Variants in LAYN observed in about 807,000 individuals in gnomAD.
LAYN encodes layilin.
A neutral mutation model predicts 43.6 loss-of-function variants in LAYN; 38 were observed. The observed-to-expected ratio is 0.87, with a 90% CI of 0.67 to 1.14. LAYN has a LOEUF of 1.14. LAYN is among the 50% of genes most tolerant of loss of function. The pLI, the probability that LAYN is intolerant of heterozygous loss-of-function variation, is 0.00. For missense variants in LAYN, 479 were observed against 463.8 expected, an observed-to-expected ratio of 1.03 and a Z score of -0.30; for synonymous variants, 168 against 172.9, an observed-to-expected ratio of 0.97 and a Z score of 0.22.
At chr11:111,546,471 A>C (rs1382057991) in intron 2 of LAYN, among the ~76,000 whole-genome samples, 1 of 152,250 alleles carries the variant, frequency 6.6e-6, no homozygotes. Flanking sequence ...GTGAAACTGC[A>C]GTGCAGCTGC....
chr11:111,548,305 A>G (rs911038163), intron 2 of LAYN, among the ~76,000 whole-genome samples: 1 of 152,236 alleles, frequency 6.6e-6, no homozygotes, highest in African/African-American at 2.4e-5. Context: ...TGGTGTTGCA[A>G]GGTCCTTCTT....
rs181406783 is a variant in LAYN at position 111,560,606 on chromosome 11, T to A, written c.*148T>A. On this transcript the variant is annotated 3_prime_UTR_variant, in exon 7 of 7. Transcript: ENST00000375614. ...GCATGTGGTCCCCACGACCTCCTGT[T>A]GGACCCCCACGTTTTGGCTGTATCC... 739 of 865,892 alleles carry A rather than the reference T, an allele frequency of 8.5e-4. 1 individual carries two copies. The highest frequency in any genetic ancestry group is 1.1e-3 in the Admixed American group (39 of 34,188). 53.6% of individuals were successfully genotyped at this position (865,892 alleles called of 1,614,324 possible). A position where few individuals can be genotyped will look rare whatever the true frequency, so the allele number is the denominator to read the frequency against.
intron 3 of LAYN, among the ~76,000 whole-genome samples, chr11:111,553,587 C>T (rs1867779735): frequency 6.6e-6 from 1 of 150,976 alleles, no homozygotes; most frequent in African/African-American, 2.4e-5. Flanking sequence ...CCTCTGAACT[C>T]CAGCCTGGGT....
chr11:111,556,519 C>T (rs576498458), intron 5 of LAYN, among the ~76,000 whole-genome samples: 29 of 152,298 alleles, frequency 1.9e-4, no homozygotes, highest in Non-Finnish European at 3.4e-4. Context: ...TCATGAATAA[C>T]AAATTCACTC....
At chr11:111,558,898 G>A (rs1257180295) in intron 6 of LAYN, among the ~76,000 whole-genome samples, 2 of 151,246 alleles carry the variant, frequency 1.3e-5, no homozygotes, top group Non-Finnish European at 2.9e-5. Context: ...AGTGATTCTC[G>A]TGCCTCAGCC....
At chr11:111,558,592 G>A (rs574359811) in intron 6 of LAYN, among the ~76,000 whole-genome samples, 1 of 152,006 alleles carries the variant, frequency 6.6e-6, no homozygotes, top group South Asian at 2.1e-4. Flanking sequence ...TGCCTACTCA[G>A]TTGGTTCTTG....
rs774901595 is a variant in LAYN at position 111,560,109 on chromosome 11, C to G, written c.776C>G (p.Pro259Arg). Residue 259 changes from proline to arginine, a missense_variant, in exon 7 of 7, where the codon CCA (proline) becomes CGA (arginine). Transcript: ENST00000375614. ...TTTCTTCCTAGAAAACGGGAGCAGC[C>G]AGACCCTAGCACAAAGAAGCAACAC... ...WICRKRKREQ[P>R]DPSTKKQHTI... The G allele has an allele frequency of 6.2e-7, 1 of 1,608,538 alleles. No individual in the cohort carries two copies. The highest frequency in any genetic ancestry group is 1.1e-5 in the South Asian group (1 of 90,520).
intron 2 of LAYN, among the ~76,000 whole-genome samples, chr11:111,546,675 A>T (rs916617689): frequency 6.6e-6 from 1 of 152,230 alleles, no homozygotes; most frequent in Non-Finnish European, 1.5e-5. Context: ...TTGGTCCTGG[A>T]TGTACCTCTT....
At position 111,540,902 on chromosome 11, in the gene LAYN, G is replaced by A. The variant is rs747772910; in HGVS notation, c.59G>A (p.Arg20Gln). The change falls in exon 1 of 7, where the codon CGG becomes CAG. Residue 20 changes from arginine (R) to glutamine (Q), a missense_variant. Coordinates refer to ENST00000375614, the MANE Select transcript of LAYN (RefSeq NM_178834.5). Reference protein sequence around the residue: ...VLLAVLLVGLRAATGRLLSGQ... With the variant: ...VLLAVLLVGLQAATGRLLSGQ... Reference sequence around the variant, plus strand: ...CTGGCCGTGCTGCTGGTGGGGCTGCGGGCCGCGACGGGTCGCCTGCTGAGT... The same window carrying A: ...CTGGCCGTGCTGCTGGTGGGGCTGCAGGCCGCGACGGGTCGCCTGCTGAGT... The A allele has an allele frequency of 4.4e-5, 68 of 1,532,168 alleles. No individual in the cohort carries two copies. The highest frequency in any genetic ancestry group is 5.7e-5 in the Non-Finnish European group (65 of 1,145,722). The allele number at this position is 1,532,168 out of a possible 1,614,324, so 94.9% of individuals were successfully genotyped here.
chr11:111,545,538 G>T (rs1867636130), intron 2 of LAYN, among the ~76,000 whole-genome samples: 1 of 152,158 alleles, frequency 6.6e-6, no homozygotes, highest in Non-Finnish European at 1.5e-5. Context: ...TCCTCCCGAT[G>T]GTTAGGGCCA....
intron 3 of LAYN, among the ~76,000 whole-genome samples, chr11:111,550,625 G>A (rs1306124379): frequency 6.6e-6 from 1 of 152,150 alleles, no homozygotes; most frequent in Non-Finnish European, 1.5e-5. Flanking sequence ...GCTAAAAGAT[G>A]TTTTTCTCTC....
chr11:111,543,797 A>G (rs1206721242), intron 1 of LAYN, 126 bp from the exon 2 acceptor site: 2 of 744,290 alleles, frequency 2.7e-6, no homozygotes, highest in East Asian at 2.6e-5. Flanking sequence ...AACTGACATG[A>G]TAACAGTCTA....
At position 111,554,553 on chromosome 11, in the gene LAYN, T is replaced by C; in HGVS notation, c.542-8T>C. 1.2e-6 allele frequency: 2 copies of C among 1,610,894 alleles called. No homozygotes were observed. The highest frequency in any genetic ancestry group is 1.7e-6 in the Non-Finnish European group (2 of 1,178,236). ...ACTTATTTTTGTTTTTGTTTCTTTCTACTACAGAGAAACCAGCAGTTCCTT... is the reference window on the plus strand; with the variant it reads ...ACTTATTTTTGTTTTTGTTTCTTTCCACTACAGAGAAACCAGCAGTTCCTT... On this transcript the variant is annotated splice_region_variant and splice_polypyrimidine_tract_variant and intron_variant, in intron 3 of 6. Transcript: ENST00000375614.
rs369547619 is a variant in LAYN at position 111,540,810 on chromosome 11, G to T, written c.-34G>T. The T allele has an allele frequency of 1.2e-3, 1,756 of 1,512,284 alleles. 12 individuals carry two copies. In the African/African-American group the frequency reaches 0.022, roughly 19 times the overall value. The allele number at this position is 1,512,284 out of a possible 1,614,324, so 93.7% of individuals were successfully genotyped here. On this transcript the variant is annotated 5_prime_UTR_variant, in exon 1 of 7. Coordinates refer to ENST00000375614, the MANE Select transcript of LAYN (RefSeq NM_178834.5). ...CGCCAGCCCGCTCCACCGCCGTAGC[G>T]CCCGAGTGTCGGGGGGCGCACCCGA...
chr11:111,560,502 TA>T lies in LAYN; in HGVS notation c.*46del. 6.4e-7 allele frequency: 1 copy of T among 1,559,642 alleles called. No homozygotes were observed. The highest frequency in any genetic ancestry group is 8.7e-7 in the Non-Finnish European group (1 of 1,150,670). ...ACTGACAACAATGGAAAAGAAATGA[TA>T]AGCAAAATCCTCTTATTTTCTATAA... On this transcript the variant is annotated 3_prime_UTR_variant, in exon 7 of 7. Transcript: ENST00000375614.
chr11:111,560,019 C>T (rs1159930839), intron 6 of LAYN, 76 bp from the exon 7 acceptor site: 9 of 1,493,590 alleles, frequency 6.0e-6, no homozygotes, highest in South Asian at 1.4e-5. Flanking sequence ...TGCTTCCTCT[C>T]GTCTCAACAG....
intron 1 of LAYN, among the ~76,000 whole-genome samples, chr11:111,542,662 G>C (rs115019904): frequency 6.6e-6 from 1 of 152,150 alleles, no homozygotes; most frequent in African/African-American, 2.4e-5. Context: ...TTTTACCCCC[G>C]GCACTGTGGC....
At chr11:111,547,508 T>A (rs139042663) in intron 2 of LAYN, among the ~76,000 whole-genome samples, 1 of 152,232 alleles carries the variant, frequency 6.6e-6, no homozygotes, top group Non-Finnish European at 1.5e-5. Flanking sequence ...TATACTGTTG[T>A]CCATCCCAAC....
chr11:111,540,878 T>G lies in LAYN; in HGVS notation c.35T>G (p.Leu12Arg), dbSNP rs1290458062. 5 of 1,532,162 alleles carry G rather than the reference T, an allele frequency of 3.3e-6. No homozygotes were observed. Among genetic ancestry groups the G allele is most frequent in the Non-Finnish European group, 3.5e-6 (4 of 1,145,566 alleles). The allele number at this position is 1,532,162 out of a possible 1,614,324, so 94.9% of individuals were successfully genotyped here. The change falls in exon 1 of 7, where the codon CTG becomes CGG. Residue 12 changes from leucine (L) to arginine (R), a missense_variant. Leu to Arg is a moderately radical substitution (Grantham distance 102, BLOSUM62 -2). Transcript: ENST00000375614. Reference sequence around the variant, plus strand: ...GGAACCGCGCTACAGGCCGTGCTGCTGGCCGTGCTGCTGGTGGGGCTGCGG... The same window carrying G: ...GGAACCGCGCTACAGGCCGTGCTGCGGGCCGTGCTGCTGGTGGGGCTGCGG... ...RPGTALQAVL[L>R]AVLLVGLRAA...
Sources: allele counts gnomAD v4.1 joint callset (sites outside exome capture counted in the v4.1 genomes callset), GRCh38; gene constraint gnomAD v4.1.1; transcripts MANE v1.5; gene names NCBI Gene and HGNC (gene_info 2026-07-23, HGNC 2026-07-21).